DPP6: variants seen among roughly 807,000 people sequenced by gnomAD.
The protein encoded by DPP6 is A-type potassium channel modulatory protein DPP6.
DPP6 carries 69 observed loss-of-function variants against 122.6 expected under a neutral mutation model. The observed-to-expected ratio is 0.56, with a 90% CI of 0.46 to 0.69. The LOEUF is 0.69. DPP6 is among the 30% of genes least tolerant of loss of function. The pLI is 0.00. For synonymous variants in DPP6, 418 were observed against 433.1 expected (o/e 0.97, Z 0.43); for missense variants, 928 against 1,116.9 (o/e 0.83, Z 2.41).
intron 7 of DPP6, among the ~76,000 whole-genome samples, chr7:154,702,486 A>T (rs1307497021): frequency 6.6e-6 from 1 of 152,280 alleles, no homozygotes; most frequent in East Asian, 1.9e-4. Flanking sequence ...TCCAGTGAAC[A>T]TGTGAATGAT....
chr7:154,694,858 G>T (rs1312776247), intron 7 of DPP6, among the ~76,000 whole-genome samples: 1 of 152,068 alleles, frequency 6.6e-6, no homozygotes, highest in Non-Finnish European at 1.5e-5. Context: ...TGTTGACAAG[G>T]CTCTGGGGAT....
intron 1 of DPP6, among the ~76,000 whole-genome samples, chr7:154,178,108 G>T (rs746028461): frequency 6.6e-6 from 1 of 152,116 alleles, no homozygotes; most frequent in African/African-American, 2.4e-5. Context: ...CAGGGGAGTC[G>T]GTTGTAAGTT....
At position 154,235,045 on chromosome 7, in the gene DPP6, T is replaced by C. The variant is rs80039740; in HGVS notation, c.243+181982T>C. On this transcript the variant is annotated intron_variant, in intron 1 of 25. Coordinates refer to ENST00000377770, the MANE Select transcript of DPP6 (RefSeq NM_130797.4). ...CTTTATTGAGATGTAGTTTTTACCA[T>C]ACAATTTACCCATTTAAAGCATACA... is the stretch of plus-strand genomic sequence containing the variant. Among the ~76,000 whole-genome samples the C allele has an allele frequency of 5.6e-3, 855 of 152,346 alleles. 13 individuals carry two copies. Among genetic ancestry groups the C allele is most frequent in the African/African-American group, 0.019 (803 of 41,576 alleles).
intron 1 of DPP6, among the ~76,000 whole-genome samples, chr7:154,423,165 G>T (rs1563643802): frequency 6.6e-6 from 1 of 152,188 alleles, no homozygotes; most frequent in Non-Finnish European, 1.5e-5. Context: ...TTGCAATAGG[G>T]AAAAGAATAC....
intron 5 of DPP6, among the ~76,000 whole-genome samples, chr7:154,609,579 ACACATG>A (rs1231889333): frequency 6.6e-6 from 1 of 152,210 alleles, no homozygotes; most frequent in Non-Finnish European, 1.5e-5. Context: ...TCATTCACAC[ACACATG>A]CACATGCACA....
chr7:154,892,142 G>T (rs1297984701), intron 25 of DPP6, among the ~76,000 whole-genome samples, 192 bp from the exon 26 acceptor site: 1 of 152,162 alleles, frequency 6.6e-6, no homozygotes, highest in East Asian at 1.9e-4. Context: ...CTCTGACTGG[G>T]ACAGCCAGGC....
chr7:154,017,719 T>TAAAAAAAAAAAAAAA (rs1365239601), intron 1 of DPP6, among the ~76,000 whole-genome samples: 1 of 83,738 alleles, frequency 1.2e-5, no homozygotes, highest in Admixed American at 1.1e-4. Flanking sequence ...AAAAAAAAAA[T>TAAAAAAAAAAAAAAA]AAAAAAATAA....
rs886675246 is a variant in DPP6 at position 154,110,619 on chromosome 7, A to G, written c.243+57556A>G. 2.6e-5 allele frequency among the ~76,000 whole-genome samples: 4 copies of G among 152,166 alleles called. 1 individual carries two copies. The highest frequency in any genetic ancestry group is 9.7e-5 in the African/African-American group (4 of 41,432). On this transcript the variant is annotated intron_variant, in intron 1 of 25. Coordinates refer to ENST00000377770, the MANE Select transcript of DPP6 (RefSeq NM_130797.4). The stretch of plus-strand genomic sequence containing the variant: ...CTTTATGGGATGAGCGAGAAAGGGG[A>G]TGGAGGCTTTGGCAATGTTGAATGG...
At chr7:153,762,011 G>T in the DPP6 span, among the ~76,000 whole-genome samples, 1 of 152,086 alleles carries the variant, frequency 6.6e-6, no homozygotes, top group Non-Finnish European at 1.5e-5. Context: ...AAGATAATGG[G>T]ACTTATTGCT....
intron 1 of DPP6, among the ~76,000 whole-genome samples, chr7:153,888,602 T>C (rs1799049777): frequency 6.6e-6 from 1 of 152,158 alleles, no homozygotes; most frequent in African/African-American, 2.4e-5. Context: ...CATCTTGTTC[T>C]GTTGAAATTG....
chr7:154,710,217 G>C (rs1841094613), intron 7 of DPP6, among the ~76,000 whole-genome samples: 1 of 152,234 alleles, frequency 6.6e-6, no homozygotes, highest in African/African-American at 2.4e-5. Flanking sequence ...CATGGCTTCA[G>C]GGCCCCACCA....
intron 8 of DPP6, among the ~76,000 whole-genome samples, chr7:154,742,459 A>G (rs1242797297): frequency 6.6e-6 from 1 of 152,188 alleles, no homozygotes; most frequent in African/African-American, 2.4e-5. Context: ...AAACCAAACA[A>G]CCATTAATGC....
intron 3 of DPP6, among the ~76,000 whole-genome samples, chr7:154,510,908 T>C (rs76129171): frequency 0.013 from 1,996 of 148,594 alleles, 21 homozygotes; most frequent in South Asian, 0.025. Flanking sequence ...TCTCTCTCTA[T>C]GACTCTCTTA....
chr7:154,409,288 C>T (rs777875878), intron 1 of DPP6, among the ~76,000 whole-genome samples: 4 of 152,180 alleles, frequency 2.6e-5, no homozygotes, highest in African/African-American at 7.2e-5. Flanking sequence ...GATTAGGACA[C>T]AGCCATGCAC....
intron 3 of DPP6, among the ~76,000 whole-genome samples, chr7:154,482,735 G>C (rs1368429990): frequency 6.6e-6 from 1 of 152,126 alleles, no homozygotes; most frequent in Non-Finnish European, 1.5e-5. Flanking sequence ...GCCATCTTCT[G>C]ATATTGAAAG....
At chr7:154,285,195 GTTTAT>G (rs1170112154) in intron 1 of DPP6, among the ~76,000 whole-genome samples, 3 of 152,068 alleles carry the variant, frequency 2.0e-5, no homozygotes, top group Non-Finnish European at 4.4e-5. Context: ...CTTTTAACTA[GTTTAT>G]TTTAATTATA....
At chr7:154,860,719 G>A (rs1003773389) in intron 17 of DPP6, among the ~76,000 whole-genome samples, 4 of 152,240 alleles carry the variant, frequency 2.6e-5, no homozygotes, top group South Asian at 2.1e-4. Flanking sequence ...CTCCTTGGGT[G>A]CAGCAGCAGG....
intron 1 of DPP6, among the ~76,000 whole-genome samples, chr7:153,955,203 A>C (rs1190226857): frequency 6.6e-6 from 1 of 152,144 alleles, no homozygotes; most frequent in African/African-American, 2.4e-5. Context: ...GTAAACCTAG[A>C]GGGAAAGTCC....
chr7:153,841,718 C>T, the DPP6 span, among the ~76,000 whole-genome samples: 2 of 152,238 alleles, frequency 1.3e-5, no homozygotes, highest in African/African-American at 2.4e-5. Context: ...GTGTTCTAAG[C>T]ATTTACCGTG....
Sources: gnomAD v4.1 joint callset for allele counts (sites outside exome capture counted in the v4.1 genomes callset) on GRCh38, gnomAD v4.1.1 for gene constraint, MANE v1.5 for transcripts, NCBI Gene and HGNC (gene_info 2026-07-23, HGNC 2026-07-21) for gene names.